C1orf185: variants seen among roughly 807,000 people sequenced by gnomAD.
C1orf185 encodes chromosome 1 open reading frame 185, also known as uncharacterized protein C1orf185.
Under a neutral mutation model 16.1 loss-of-function variants are expected in C1orf185, and 13 were observed. The observed-to-expected ratio is 0.81, with a 90% confidence interval of 0.53 to 1.28. The LOEUF is 1.28. C1orf185 is among the 50% of genes most tolerant of loss of function. The pLI, the probability that C1orf185 is intolerant of heterozygous loss-of-function variation, is 0.00. For missense variants in C1orf185, 220 were observed against 225.2 expected (o/e 0.98, Z 0.15); for synonymous variants, 80 against 76.9 (o/e 1.04, Z -0.21).
At chr1:51,109,444 T>C (rs1646099365) in intron 1 of C1orf185, among the ~76,000 whole-genome samples, 1 of 152,226 alleles carries the variant, frequency 6.6e-6, no homozygotes. Flanking sequence ...ATTTTTGCTT[T>C]TGTTACTTGT....
intron 2 of C1orf185, among the ~76,000 whole-genome samples, chr1:51,118,272 G>A (rs1646172086): frequency 1.3e-5 from 2 of 152,128 alleles, no homozygotes; most frequent in Non-Finnish European, 2.9e-5. Context: ...CCAATGAGTT[G>A]CATTTTATTT....
chr1:51,103,153 C>T (rs1328881621), intron 1 of C1orf185, among the ~76,000 whole-genome samples: 1 of 151,872 alleles, frequency 6.6e-6, no homozygotes, highest in African/African-American at 2.4e-5. Flanking sequence ...CACTTGAAAT[C>T]TCAGCACTTT....
At chr1:51,118,578 C>G (rs1229762250) in intron 2 of C1orf185, 88 bp from the exon 3 acceptor site, 1 of 837,924 alleles carries the variant, frequency 1.2e-6, no homozygotes, top group Non-Finnish European at 1.7e-6. Flanking sequence ...GATTTTAAAG[C>G]TTTATGTATA....
chr1:51,142,394 A>G (rs1646370647), intron 3 of C1orf185, among the ~76,000 whole-genome samples: 1 of 152,194 alleles, frequency 6.6e-6, no homozygotes, highest in South Asian at 2.1e-4. Flanking sequence ...TTTCCTCATG[A>G]TCACATTTAA....
downstream of C1orf185, among the ~76,000 whole-genome samples, chr1:51,151,120 G>T (rs1291364791): frequency 6.6e-6 from 1 of 152,204 alleles, no homozygotes; most frequent in East Asian, 1.9e-4. Flanking sequence ...TACCTGAAAA[G>T]CAACTCAAGT....
At chr1:51,118,899 CTAT>C in intron 3 of C1orf185, 98 bp downstream of exon 3, 1 of 982,388 alleles carries the variant, frequency 1.0e-6, no homozygotes, top group African/African-American at 1.7e-5. Flanking sequence ...AGAGAATCCA[CTAT>C]TATTTTTTAA....
rs373536946 is a variant in C1orf185 at position 51,135,281 on chromosome 1, T to TG, written c.259-10442dup. On this transcript the variant is annotated intron_variant, in intron 3 of 4. Coordinates refer to ENST00000371759, the MANE Select transcript of C1orf185 (RefSeq NM_001136508.2). ...TGGACTGGGCACAGTGGCTCATGCC[T>TG]GTAATCTCAACACTTTGGGAGGCCA... 4.9e-4 allele frequency among the ~76,000 whole-genome samples: 74 copies of TG among 152,348 alleles called. 1 individual carries two copies. The highest frequency in any genetic ancestry group is 4.6e-4 in the Non-Finnish European group (31 of 68,034).
chr1:51,121,505 T>A (rs1394983924), intron 3 of C1orf185, among the ~76,000 whole-genome samples: 2 of 152,138 alleles, frequency 1.3e-5, no homozygotes, highest in African/African-American at 4.8e-5. Flanking sequence ...AGGAACCTCA[T>A]TCAAACTAGA....
intron 3 of C1orf185, among the ~76,000 whole-genome samples, chr1:51,133,269 G>GA (rs1414185064): frequency 2.6e-5 from 4 of 152,074 alleles, no homozygotes; most frequent in African/African-American, 7.2e-5. Flanking sequence ...TAGCAAGCTG[G>GA]AAAAAGAAGC....
At chr1:51,113,871 C>T (rs939545895) in intron 2 of C1orf185, among the ~76,000 whole-genome samples, 3 of 152,154 alleles carry the variant, frequency 2.0e-5, no homozygotes, top group African/African-American at 7.2e-5. Context: ...ATTCTTCCAA[C>T]AAATATTTAT....
At chr1:51,108,737 T>C (rs1389400043) in intron 1 of C1orf185, among the ~76,000 whole-genome samples, 1 of 152,208 alleles carries the variant, frequency 6.6e-6, no homozygotes, top group Non-Finnish European at 1.5e-5. Context: ...TCCATGTTGC[T>C]GCAAATGTTT....
At chr1:51,131,976 A>T (rs1203505972) in intron 3 of C1orf185, among the ~76,000 whole-genome samples, 2 of 152,318 alleles carry the variant, frequency 1.3e-5, no homozygotes, top group Admixed American at 6.5e-5. Context: ...TAGAGCACAC[A>T]GTCTAGGAAT....
At chr1:51,102,424 T>C (rs1570281071) in intron 1 of C1orf185, 175 bp downstream of exon 1, 1 of 422,894 alleles carries the variant, frequency 2.4e-6, no homozygotes, top group Non-Finnish European at 4.3e-6. Context: ...CTATTTTCTT[T>C]GGGGGAAATT....
At chr1:51,135,488 G>A (rs773000457) in intron 3 of C1orf185, among the ~76,000 whole-genome samples, 10 of 151,742 alleles carry the variant, frequency 6.6e-5, no homozygotes, top group Admixed American at 1.3e-4. Context: ...GCAGTGAGCC[G>A]AGATCACACC....
chr1:51,147,599 A>C lies in C1orf185; in HGVS notation c.428A>C (p.Tyr143Ser). ...TTATCAACATTACCATCTGATTCTT[A>C]TTACAGCCAAAGTATAGAAGCAGCT... ...LSLSTLPSDS[Y>S]YSQSIEAADD... Residue 143 changes from tyrosine (Y) to serine (S), a missense_variant, in exon 5 of 5, where the codon TAT (tyrosine) becomes TCT (serine). Physicochemically the swap from Tyr to Ser is moderately radical, Grantham distance 144. Transcript: ENST00000371759. 1 of 1,551,598 alleles carries C rather than the reference A, an allele frequency of 6.4e-7. No individual in the cohort carries two copies. Among genetic ancestry groups the C allele is most frequent in the South Asian group, 1.2e-5 (1 of 84,058 alleles).
At chr1:51,152,187 G>C (rs560783290), downstream of C1orf185, among the ~76,000 whole-genome samples, 40 of 152,258 alleles carry the variant, frequency 2.6e-4, no homozygotes, top group Middle Eastern at 3.4e-3. Flanking sequence ...TTTGCCAACA[G>C]GATCAGCAGT....
downstream of C1orf185, among the ~76,000 whole-genome samples, chr1:51,148,921 C>A (rs1646417201): frequency 6.6e-6 from 1 of 152,124 alleles, no homozygotes; most frequent in South Asian, 2.1e-4. Context: ...CAAAGTGAGA[C>A]CCTGTCTCAA....
chr1:51,137,574 G>A (rs1031854982), intron 3 of C1orf185, among the ~76,000 whole-genome samples: 25 of 152,038 alleles, frequency 1.6e-4, no homozygotes, highest in Admixed American at 2.6e-4. Context: ...TGAGGCTGCA[G>A]AGAAAAAGGA....
At position 51,103,427 on chromosome 1, in the gene C1orf185, A is replaced by ACACACG. The variant is rs1039979413; in HGVS notation, c.16+1183_16+1184insGCACAC. Among the ~76,000 whole-genome samples, 76 of 148,234 alleles carry ACACACG rather than the reference A, an allele frequency of 5.1e-4. 2 individuals are homozygous for ACACACG. The highest frequency in any genetic ancestry group is 1.8e-3 in the African/African-American group (71 of 38,690). ...TCTCGAAAAACACACACACACACAC[A>ACACACG]CACACACACACACACACACACAAAA... On this transcript the variant is annotated intron_variant, in intron 1 of 4. Coordinates refer to ENST00000371759, the MANE Select transcript of C1orf185 (RefSeq NM_001136508.2).
Sources: gnomAD v4.1 joint callset for allele counts (sites outside exome capture counted in the v4.1 genomes callset) on GRCh38, gnomAD v4.1.1 for gene constraint, MANE v1.5 for transcripts, NCBI Gene and HGNC (gene_info 2026-07-23, HGNC 2026-07-21) for gene names.